LMO7: variants seen among roughly 807,000 people sequenced by gnomAD.
The protein encoded by LMO7 is LIM domain only protein 7.
Under a neutral mutation model 206.5 loss-of-function variants are expected in LMO7, and 120 were observed. The ratio of observed to expected loss-of-function variants is 0.58; its 90% CI spans 0.50 to 0.68. The LOEUF is 0.68. Ranked by LOEUF, LMO7 falls within the 30% of genes least tolerant of loss-of-function variation. LMO7 has a pLI of 0.00. For missense variants in LMO7, 1,959 were observed against 1,957.9 expected (o/e 1.00, Z -0.01); for synonymous variants, 706 against 681.5 (o/e 1.04, Z -0.56).
chr13:75,857,679 T>C, intron 30 of LMO7: 1 of 346,184 alleles, frequency 2.9e-6, no homozygotes, highest in Non-Finnish European at 5.2e-6. Context: ...AAACAAATAA[T>C]AGAGAGTTGA....
intron 18 of LMO7, among the ~76,000 whole-genome samples, chr13:75,836,055 G>A (rs2059091887): frequency 6.6e-6 from 1 of 152,024 alleles, no homozygotes; most frequent in Non-Finnish European, 1.5e-5. Flanking sequence ...TATTGTATAA[G>A]AAATGTTTAA....
chr13:75,760,820 C>G (rs1445626835), intron 3 of LMO7, 112 bp from the exon 4 acceptor site: 3 of 1,554,756 alleles, frequency 1.9e-6, no homozygotes, highest in Non-Finnish European at 2.6e-6. Context: ...GCTGCTGCCT[C>G]TTTTGCTGAC....
chr13:75,723,429 A>G (rs917850415), intron 2 of LMO7, among the ~76,000 whole-genome samples: 1 of 152,178 alleles, frequency 6.6e-6, no homozygotes, highest in Non-Finnish European at 1.5e-5. Flanking sequence ...TTCCTTGTTC[A>G]TTGTGAAAAT....
chr13:75,752,359 C>T (rs1459841048), intron 3 of LMO7, among the ~76,000 whole-genome samples: 2 of 152,116 alleles, frequency 1.3e-5, no homozygotes, highest in East Asian at 3.9e-4. Flanking sequence ...TCTCGAACTC[C>T]TGACCTCAGG....
intron 1 of LMO7, among the ~76,000 whole-genome samples, chr13:75,654,080 C>T (rs941656889): frequency 6.6e-6 from 1 of 152,080 alleles, no homozygotes; most frequent in Non-Finnish European, 1.5e-5. Flanking sequence ...ATCTTCTACC[C>T]TTTCCCCAAA....
chr13:75,797,586 T>C (rs2054194193), intron 6 of LMO7, among the ~76,000 whole-genome samples: 1 of 152,258 alleles, frequency 6.6e-6, no homozygotes, highest in Non-Finnish European at 1.5e-5. Context: ...ACCACACCAG[T>C]AAGGCATTTA....
intron 1 of LMO7, among the ~76,000 whole-genome samples, chr13:75,644,779 CA>C (rs2036866096): frequency 2.0e-5 from 3 of 152,272 alleles, no homozygotes; most frequent in Middle Eastern, 3.4e-3. Context: ...TATAGGCACA[CA>C]CCACCACACC....
At chr13:75,643,515 A>C (rs757414321) in intron 1 of LMO7, among the ~76,000 whole-genome samples, 4 of 152,234 alleles carry the variant, frequency 2.6e-5, no homozygotes, top group Non-Finnish European at 5.9e-5. Context: ...AGGTTGGCCT[A>C]TTTAATTGAT....
intron 1 of LMO7, among the ~76,000 whole-genome samples, chr13:75,699,535 G>T (rs7336908): frequency 5.3e-5 from 8 of 151,632 alleles, no homozygotes; most frequent in African/African-American, 1.2e-4. Context: ...CTGGGTCTCC[G>T]GGGGTGACAT....
chr13:75,750,564 AT>A (rs1474815214), intron 3 of LMO7, among the ~76,000 whole-genome samples: 3 of 150,686 alleles, frequency 2.0e-5, no homozygotes, highest in African/African-American at 7.3e-5. Flanking sequence ...TAATAATTTT[AT>A]TTTTTTTGGT....
chr13:75,658,583 T>G (rs1796272625), intron 1 of LMO7, among the ~76,000 whole-genome samples: 1 of 152,050 alleles, frequency 6.6e-6, no homozygotes, highest in South Asian at 2.1e-4. Context: ...AACTATATCT[T>G]ATTTTTATTT....
chr13:75,702,241 G>C (rs538659410), intron 1 of LMO7, among the ~76,000 whole-genome samples: 3 of 152,232 alleles, frequency 2.0e-5, no homozygotes, highest in African/African-American at 2.4e-5. Context: ...TTTGCTGGCT[G>C]TTTCCCTGCT....
intron 4 of LMO7, among the ~76,000 whole-genome samples, chr13:75,773,956 T>A (rs575137059): frequency 6.6e-6 from 1 of 152,262 alleles, no homozygotes; most frequent in African/African-American, 2.4e-5. Context: ...GTTTTTTGCC[T>A]ATGCTTTCTT....
At chr13:75,711,328 A>C (rs1429636426) in intron 1 of LMO7, among the ~76,000 whole-genome samples, 2 of 152,282 alleles carry the variant, frequency 1.3e-5, no homozygotes, top group South Asian at 2.1e-4. Flanking sequence ...TGAGTTAGGG[A>C]GGACTCCCTC....
chr13:75,776,312 T>TCAACATTTGAA (rs1236990030), intron 4 of LMO7, among the ~76,000 whole-genome samples: 4 of 150,104 alleles, frequency 2.7e-5, no homozygotes, highest in African/African-American at 9.8e-5. Context: ...CTTATCTCGA[T>TCAACATTTGAA]CAACATTTGA....
At chr13:75,849,981 A>G (rs2060352153) in intron 27 of LMO7, among the ~76,000 whole-genome samples, 1 of 152,130 alleles carries the variant, frequency 6.6e-6, no homozygotes, top group Admixed American at 6.5e-5. Flanking sequence ...TCTATAAAAA[A>G]TAGATGTGTG....
At chr13:75,854,025 A>G (rs1246526325) in intron 28 of LMO7, among the ~76,000 whole-genome samples, 3 of 152,118 alleles carry the variant, frequency 2.0e-5, no homozygotes, top group Admixed American at 6.5e-5. Context: ...TGGGAAGTGT[A>G]TATGTTATGA....
intron 1 of LMO7, among the ~76,000 whole-genome samples, chr13:75,658,647 G>C (rs1594107164): frequency 6.6e-6 from 1 of 152,070 alleles, no homozygotes; most frequent in Non-Finnish European, 1.5e-5. Context: ...GCAGTGGCGC[G>C]ATCTCGGCTC....
chr13:75,849,040 G>A, intron 26 of LMO7, 39 bp from the exon 27 acceptor site: 1 of 1,225,340 alleles, frequency 8.2e-7, no homozygotes, highest in Admixed American at 2.0e-5. Context: ...ACTTTTAAAA[G>A]GTACTAATCC....
Sources: allele counts gnomAD v4.1 joint callset (sites outside exome capture counted in the v4.1 genomes callset), GRCh38; gene constraint gnomAD v4.1.1; transcripts MANE v1.5; gene names NCBI Gene and HGNC (gene_info 2026-07-23, HGNC 2026-07-21).